The following SPMAP2L variants were observed in gnomAD, a reference collection of about 807,000 sequenced individuals.
The protein encoded by SPMAP2L is sperm microtubule associated protein 2-like.
At chr4:56,560,472 G>C in the SPMAP2L span, among the ~76,000 whole-genome samples, 1,572 of 152,202 alleles carry the variant, frequency 0.01, 24 homozygotes, top group African/African-American at 0.036. Flanking sequence ...TAGGAATTTT[G>C]CTTCCATTCT....
At chr4:56,614,426 G>A in the SPMAP2L span, among the ~76,000 whole-genome samples, 3 of 152,192 alleles carry the variant, frequency 2.0e-5, no homozygotes, top group South Asian at 4.2e-4. Flanking sequence ...AGGCCAAGCC[G>A]GGTGGATCAC....
At chr4:56,557,812 T>C in the SPMAP2L span, 3 of 152,200 alleles carry the variant, frequency 2.0e-5, no homozygotes, top group South Asian at 2.1e-4. Context: ...CATAGAAGAT[T>C]ACATTTTTAT....
the SPMAP2L span, among the ~76,000 whole-genome samples, chr4:56,565,931 A>G: frequency 1.3e-5 from 2 of 152,084 alleles, no homozygotes; most frequent in Non-Finnish European, 1.5e-5. Flanking sequence ...CTTTCTTTTT[A>G]TTATTGTTAG....
the SPMAP2L span, among the ~76,000 whole-genome samples, chr4:56,559,153 C>T: frequency 1.3e-5 from 2 of 151,660 alleles, no homozygotes; most frequent in Admixed American, 6.6e-5. Flanking sequence ...AAGCTAGTCT[C>T]GAACTCCTGT....
the SPMAP2L span, chr4:56,595,432 A>G: frequency 5.0e-6 from 8 of 1,607,510 alleles, no homozygotes; most frequent in Non-Finnish European, 6.8e-6. Flanking sequence ...CATGATCAGC[A>G]TTCGGCAGGA....
the SPMAP2L span, among the ~76,000 whole-genome samples, chr4:56,585,305 AT>A: frequency 6.6e-6 from 1 of 152,214 alleles, no homozygotes; most frequent in East Asian, 1.9e-4. Context: ...TAGAGAAGTC[AT>A]AGAAGCTTTT....
chr4:56,621,240 T>C, the SPMAP2L span, among the ~76,000 whole-genome samples: 1 of 152,154 alleles, frequency 6.6e-6, no homozygotes, highest in African/African-American at 2.4e-5. Context: ...AAAAGCAACA[T>C]GAAAGCAAAA....
At chr4:56,594,590 C>T in the SPMAP2L span, 2 of 1,583,572 alleles carry the variant, frequency 1.3e-6, no homozygotes, top group Non-Finnish European at 1.7e-6. Flanking sequence ...AACGGTTTGC[C>T]TCATTCTGAA....
the SPMAP2L span, among the ~76,000 whole-genome samples, chr4:56,576,462 T>G: frequency 6.6e-6 from 1 of 152,146 alleles, no homozygotes; most frequent in East Asian, 1.9e-4. Flanking sequence ...GACGTCAGCT[T>G]AGTGGAGGAA....
At chr4:56,563,259 A>AT in the SPMAP2L span, among the ~76,000 whole-genome samples, 5,412 of 135,434 alleles carry the variant, frequency 0.04, 150 homozygotes, top group African/African-American at 0.068. Context: ...TACCCGGCTA[A>AT]TTTTTTTTTT....
the SPMAP2L span, among the ~76,000 whole-genome samples, chr4:56,586,718 C>G: frequency 6.6e-6 from 1 of 152,146 alleles, no homozygotes; most frequent in African/African-American, 2.4e-5. Context: ...TGGAGTGTCT[C>G]AAGGGTGAAT....
the SPMAP2L span, chr4:56,596,579 A>G: frequency 6.5e-6 from 10 of 1,534,096 alleles, no homozygotes; most frequent in African/African-American, 6.9e-5. Flanking sequence ...CCAAGGATCA[A>G]GTTAGAGGGT....
chr4:56,611,186 AC>A, the SPMAP2L span, among the ~76,000 whole-genome samples: 1 of 152,248 alleles, frequency 6.6e-6, no homozygotes, highest in Non-Finnish European at 1.5e-5. Context: ...AAAATGTGGA[AC>A]CAACCCAAAT....
chr4:56,544,688 C>T, the SPMAP2L span, among the ~76,000 whole-genome samples: 1 of 152,172 alleles, frequency 6.6e-6, no homozygotes, highest in Non-Finnish European at 1.5e-5. Flanking sequence ...CCCCGCAGCC[C>T]TCCAGCCGCT....
the SPMAP2L span, chr4:56,552,581 C>G: frequency 6.5e-7 from 1 of 1,527,780 alleles, no homozygotes; most frequent in Non-Finnish European, 8.8e-7. Context: ...CCAAATCTTT[C>G]AAAGCCTAAA....
chr4:56,574,777 C>G, the SPMAP2L span, among the ~76,000 whole-genome samples: 1 of 150,896 alleles, frequency 6.6e-6, no homozygotes, highest in Non-Finnish European at 1.5e-5. Context: ...CCCAGGAGTT[C>G]AAGACCAGCC....
At chr4:56,596,511 G>A in the SPMAP2L span, 3 of 1,522,118 alleles carry the variant, frequency 2.0e-6, no homozygotes, top group African/African-American at 4.2e-5. Flanking sequence ...TGCAAACCAA[G>A]ATTTCACTTT....
chr4:56,612,858 C>T, the SPMAP2L span, among the ~76,000 whole-genome samples: 5 of 151,850 alleles, frequency 3.3e-5, no homozygotes, highest in Admixed American at 1.3e-4. Flanking sequence ...TGAGCCCCCA[C>T]GCCCGGCCTG....
the SPMAP2L span, chr4:56,594,029 A>G: frequency 1.9e-6 from 3 of 1,611,466 alleles, no homozygotes; most frequent in Non-Finnish European, 2.5e-6. Flanking sequence ...TCAGCGGCAG[A>G]TCAATTTTCG....
Sources: allele counts gnomAD v4.1 joint callset (sites outside exome capture counted in the v4.1 genomes callset), GRCh38; gene constraint gnomAD v4.1.1; transcripts MANE v1.5; gene names NCBI Gene and HGNC (gene_info 2026-07-23, HGNC 2026-07-21).